The following MTREX variants were observed in gnomAD, a reference collection of about 807,000 sequenced individuals.
MTREX encodes exosome RNA helicase MTR4.
In MTREX, 76 loss-of-function variants were observed where a neutral mutation model predicts 135.4. The observed-to-expected ratio is 0.56, with a 90% CI of 0.47 to 0.68. The LOEUF (loss-of-function observed/expected upper bound fraction) is 0.68. MTREX is among the 30% of genes least tolerant of loss of function. MTREX has a pLI of 0.00. For synonymous variants in MTREX, 404 were observed against 401.6 expected, an observed-to-expected ratio of 1.01 and a Z score of -0.07; for missense variants, 920 against 1,262.1, an observed-to-expected ratio of 0.73 and a Z score of 4.11.
chr5:55,317,233 C>G (rs1749213283), intron 1 of MTREX, among the ~76,000 whole-genome samples: 2 of 152,178 alleles, frequency 1.3e-5, no homozygotes, highest in African/African-American at 4.8e-5. Context: ...TGTACAGATT[C>G]AATGCTATTC....
At chr5:55,308,186 C>A in intron 1 of MTREX, 39 bp downstream of exon 1, 1 of 1,541,900 alleles carries the variant, frequency 6.5e-7, no homozygotes. Context: ...TATTTTTTTT[C>A]TCGGTGGGGA....
chr5:55,414,327 T>C (rs939744921), intron 24 of MTREX, 89 bp downstream of exon 24: 63 of 1,060,578 alleles, frequency 5.9e-5, no homozygotes, highest in Non-Finnish European at 7.8e-5. Flanking sequence ...ATCATAGTAG[T>C]TTATCATTTC....
intron 21 of MTREX, among the ~76,000 whole-genome samples, chr5:55,401,047 G>T (rs1335904321): frequency 6.6e-6 from 1 of 152,036 alleles, no homozygotes; most frequent in Non-Finnish European, 1.5e-5. Context: ...ATGCGTGTGT[G>T]TGTGTGAGAC....
chr5:55,353,060 A>T (rs1749853046), intron 13 of MTREX, 108 bp from the exon 14 acceptor site: 1 of 561,748 alleles, frequency 1.8e-6, no homozygotes, highest in African/African-American at 2.0e-5. Context: ...TTTTTGTAGG[A>T]TCTCATTAAC....
At chr5:55,353,688 G>A (rs539995124) in intron 14 of MTREX, among the ~76,000 whole-genome samples, 1 of 152,254 alleles carries the variant, frequency 6.6e-6, no homozygotes, top group South Asian at 2.1e-4. Context: ...TGAGGACAGA[G>A]TGAGACCCTG....
At chr5:55,379,573 GACACACACACACAC>G (rs60169736) in intron 18 of MTREX, among the ~76,000 whole-genome samples, 18,847 of 143,848 alleles carry the variant, frequency 0.13, 1,377 homozygotes, top group East Asian at 0.26. Flanking sequence ...AAATCTCCCT[GACACACACACACAC>G]ACACACACAC....
At chr5:55,407,102 G>A (rs1351514325) in intron 22 of MTREX, among the ~76,000 whole-genome samples, 2 of 152,174 alleles carry the variant, frequency 1.3e-5, no homozygotes, top group Non-Finnish European at 2.9e-5. Flanking sequence ...TACTCAGCAT[G>A]GCCAGGATGG....
chr5:55,351,664 G>A (rs1749830559), intron 13 of MTREX, among the ~76,000 whole-genome samples: 1 of 152,190 alleles, frequency 6.6e-6, no homozygotes, highest in African/African-American at 2.4e-5. Context: ...TTAGTTTAGA[G>A]AAGACAAGGA....
chr5:55,330,881 T>G (rs984353476), intron 5 of MTREX, among the ~76,000 whole-genome samples: 5 of 152,104 alleles, frequency 3.3e-5, no homozygotes, highest in South Asian at 2.1e-4. Context: ...TAATTTTATT[T>G]TTGGTGTTTA....
chr5:55,352,594 CTT>C, intron 13 of MTREX, among the ~76,000 whole-genome samples: 1 of 152,120 alleles, frequency 6.6e-6, no homozygotes, highest in Non-Finnish European at 1.5e-5. Flanking sequence ...ATGTCAGATT[CTT>C]TTTCATTCTT....
At chr5:55,326,835 C>T (rs2112037606) in intron 3 of MTREX, among the ~76,000 whole-genome samples, 1 of 152,278 alleles carries the variant, frequency 6.6e-6, no homozygotes, top group South Asian at 2.1e-4. Context: ...TCTCCTAATG[C>T]TATCCCTCCC....
chr5:55,404,888 C>T (rs1184077651), intron 21 of MTREX, among the ~76,000 whole-genome samples: 1 of 151,450 alleles, frequency 6.6e-6, no homozygotes, highest in Admixed American at 6.6e-5. Context: ...AGTGCAACCT[C>T]TACCTCCCGG....
intron 11 of MTREX, among the ~76,000 whole-genome samples, chr5:55,348,666 C>T (rs1749777081): frequency 6.6e-6 from 1 of 152,146 alleles, no homozygotes; most frequent in Non-Finnish European, 1.5e-5. Context: ...CTGACATAGC[C>T]TTCTAAAGCC....
intron 10 of MTREX, among the ~76,000 whole-genome samples, 197 bp downstream of exon 10, chr5:55,345,393 A>G (rs1047449181): frequency 2.0e-5 from 3 of 152,220 alleles, no homozygotes; most frequent in Non-Finnish European, 4.4e-5. Context: ...TCATCTAAGT[A>G]TACAATTCAG....
intron 1 of MTREX, among the ~76,000 whole-genome samples, chr5:55,314,476 A>G (rs1749166623): frequency 6.6e-6 from 1 of 152,190 alleles, no homozygotes; most frequent in African/African-American, 2.4e-5. Flanking sequence ...GGAGAGAACC[A>G]GAAAGACAGC....
intron 18 of MTREX, among the ~76,000 whole-genome samples, chr5:55,379,400 G>T (rs892280977): frequency 2.0e-5 from 3 of 152,076 alleles, no homozygotes; most frequent in Non-Finnish European, 2.9e-5. Flanking sequence ...GGCCAAGCTG[G>T]TCTTGAACTC....
At chr5:55,422,278 A>C (rs1034637881) in intron 25 of MTREX, among the ~76,000 whole-genome samples, 1 of 152,234 alleles carries the variant, frequency 6.6e-6, no homozygotes, top group African/African-American at 2.4e-5. Context: ...GACCCATGGG[A>C]AAAGGCTTCT....
At chr5:55,365,724 G>A (rs1263965472) in intron 15 of MTREX, among the ~76,000 whole-genome samples, 1 of 152,084 alleles carries the variant, frequency 6.6e-6, no homozygotes, top group African/African-American at 2.4e-5. Context: ...GCCCGGGCGC[G>A]GTGGCTCATG....
chr5:55,397,393 A>G, intron 19 of MTREX, 23 bp from the exon 20 acceptor site: 4 of 1,478,126 alleles, frequency 2.7e-6, no homozygotes, highest in Non-Finnish European at 3.8e-6. Flanking sequence ...TAACTGTAAT[A>G]CTGTATAACT....
Sources: gnomAD v4.1 joint callset for allele counts (sites outside exome capture counted in the v4.1 genomes callset) on GRCh38, gnomAD v4.1.1 for gene constraint, MANE v1.5 for transcripts, NCBI Gene and HGNC (gene_info 2026-07-23, HGNC 2026-07-21) for gene names.